Variants in CACNA1A observed in about 807,000 individuals in gnomAD.
CACNA1A encodes voltage-dependent P/Q-type calcium channel subunit alpha-1A.
A neutral mutation model predicts 262.4 loss-of-function variants in CACNA1A; 57 were observed. That is an observed-to-expected ratio of 0.22 (90% CI 0.18 to 0.27). CACNA1A has a LOEUF of 0.27. Ranked by LOEUF, CACNA1A falls within the 10% of genes least tolerant of loss-of-function variation. The probability of loss-of-function intolerance (pLI) is 1.00; values close to 1 mark genes in which losing one functional copy is unlikely to be tolerated. For synonymous variants in CACNA1A, 1,431 were observed against 1,419.3 expected, an observed-to-expected ratio of 1.01 and a Z score of -0.18; for missense variants, 2,526 against 3,562.8, an observed-to-expected ratio of 0.71 and a Z score of 7.41.
chr19:13,439,834 C>A (rs2060684720), intron 3 of CACNA1A, among the ~76,000 whole-genome samples: 1 of 152,170 alleles, frequency 6.6e-6, no homozygotes, highest in Non-Finnish European at 1.5e-5. Flanking sequence ...TCAGCAGGAA[C>A]AATGTAGCCA....
intron 5 of CACNA1A, among the ~76,000 whole-genome samples, chr19:13,360,265 G>GTGTATATATATATATATATATATATA (rs941666561): frequency 7.3e-4 from 91 of 124,156 alleles, no homozygotes; most frequent in East Asian, 1.4e-3. Context: ...GTGTGTGTGT[G>GTGTATATATATATATATATATATATA]TATATATATA....
At chr19:13,342,861 G>C (rs1016558829) in intron 6 of CACNA1A, among the ~76,000 whole-genome samples, 1 of 152,184 alleles carries the variant, frequency 6.6e-6, no homozygotes, top group African/African-American at 2.4e-5. Flanking sequence ...AAGTCATGGA[G>C]GCTTTGGGGA....
intron 6 of CACNA1A, among the ~76,000 whole-genome samples, chr19:13,346,518 A>T (rs911745857): frequency 1.3e-5 from 2 of 150,220 alleles, no homozygotes; most frequent in African/African-American, 4.9e-5. Context: ...TACATTAATG[A>T]TCACTAACTA....
At chr19:13,442,828 G>C (rs1000758333) in intron 3 of CACNA1A, among the ~76,000 whole-genome samples, 4 of 152,180 alleles carry the variant, frequency 2.6e-5, no homozygotes, top group Non-Finnish European at 5.9e-5. Context: ...GGGAGGGGAA[G>C]GAAGGATCAC....
chr19:13,325,845 G>A (rs2058351453), intron 10 of CACNA1A, among the ~76,000 whole-genome samples: 1 of 152,154 alleles, frequency 6.6e-6, no homozygotes, highest in Admixed American at 6.5e-5. Context: ...ACTATGGAGT[G>A]GCTCAGTTGA....
intron 30 of CACNA1A, among the ~76,000 whole-genome samples, chr19:13,251,668 G>T (rs1222555011): frequency 6.6e-6 from 1 of 152,096 alleles, no homozygotes. Flanking sequence ...TAATATTAAG[G>T]GTTGATAATA....
intron 38 of CACNA1A, among the ~76,000 whole-genome samples, chr19:13,220,059 A>C (rs1488714061): frequency 1.3e-5 from 2 of 152,026 alleles, no homozygotes; most frequent in African/African-American, 4.8e-5. Flanking sequence ...GGAGTTCAAA[A>C]CCAGCCTGGC....
chr19:13,211,897 C>A (rs2054826059), intron 43 of CACNA1A: 1 of 559,798 alleles, frequency 1.8e-6, no homozygotes, highest in Non-Finnish European at 3.2e-6. Flanking sequence ...TCCTCTCTGT[C>A]CTCTGTGAGG....
At chr19:13,346,619 TATATATATA>T (rs1568556957) in intron 6 of CACNA1A, among the ~76,000 whole-genome samples, 4 of 3,772 alleles carry the variant, frequency 1.1e-3, no homozygotes, top group African/African-American at 4.7e-3. Flanking sequence ...TAATTGATTA[TATATATATA>T]TATATATATA....
intron 3 of CACNA1A, among the ~76,000 whole-genome samples, chr19:13,435,936 T>C (rs533254351): frequency 1.3e-5 from 2 of 152,284 alleles, no homozygotes; most frequent in African/African-American, 4.8e-5. Flanking sequence ...GTGATTCTCA[T>C]GCCTCAGCCT....
intron 6 of CACNA1A, among the ~76,000 whole-genome samples, chr19:13,356,176 A>G (rs117965572): frequency 0.012 from 1,780 of 152,310 alleles, 17 homozygotes; most frequent in Non-Finnish European, 0.017. Flanking sequence ...GAGCTGTTCT[A>G]ATGAAAAATT....
chr19:13,449,376 C>T (rs192080025), intron 3 of CACNA1A, among the ~76,000 whole-genome samples: 2 of 152,276 alleles, frequency 1.3e-5, no homozygotes, highest in East Asian at 3.9e-4. Flanking sequence ...TAGCTCACTA[C>T]AGCGTCGACC....
intron 3 of CACNA1A, among the ~76,000 whole-genome samples, chr19:13,385,454 T>C: frequency 6.6e-6 from 1 of 151,980 alleles, no homozygotes; most frequent in Non-Finnish European, 1.5e-5. Flanking sequence ...GATCTCAAAC[T>C]CCTGACCTTG....
intron 1 of CACNA1A, among the ~76,000 whole-genome samples, chr19:13,459,119 A>AT (rs1355089329): frequency 6.6e-6 from 1 of 152,080 alleles, no homozygotes; most frequent in Non-Finnish European, 1.5e-5. Context: ...GGGCACTGAA[A>AT]TCCCGCATTC....
At chr19:13,504,699 C>G (rs1039232383) in intron 1 of CACNA1A, among the ~76,000 whole-genome samples, 1 of 152,188 alleles carries the variant, frequency 6.6e-6, no homozygotes, top group African/African-American at 2.4e-5. Flanking sequence ...TGCGGAGAAG[C>G]GGCACATCTG....
chr19:13,298,762 A>G lies in CACNA1A; in HGVS notation c.2871T>C (p.Arg957=). ...CCCCGGGCCTGCGGTGCGCGCGATG[A>G]CGTCGATGCTCCCCGTCCGCGCCCG... ...PRTGADGEHR[R]HRAHRRPGEE... is the part of the protein sequence containing the mutation. The change falls in exon 19 of 47, where the codon CGT becomes CGC. Residue 957 remains arginine (R), a synonymous_variant. Coordinates refer to ENST00000360228, the MANE Select transcript of CACNA1A (RefSeq NM_001127222.2). 1 of 1,515,842 alleles carries G rather than the reference A, an allele frequency of 6.6e-7. No individual in the cohort carries two copies. The highest frequency in any genetic ancestry group is 1.2e-5 in the South Asian group (1 of 81,266). The allele number at this position is 1,515,842 out of a possible 1,614,324, so 93.9% of individuals were successfully genotyped here.
At chr19:13,261,413 G>C in intron 26 of CACNA1A, 37 bp downstream of exon 26, 3 of 1,532,870 alleles carry the variant, frequency 2.0e-6, no homozygotes, top group Non-Finnish European at 2.6e-6. Flanking sequence ...CCCACCTGCT[G>C]GTTCCAATGG....
chr19:13,282,834 C>T lies in CACNA1A; in HGVS notation c.3822+433G>A, dbSNP rs10407342. Reference sequence around the variant, plus strand: ...GGCTTGCTTTCATAAAAACCAAAAGCTTAGGCTGTGTTTCTGAGCCAAATA... The same window carrying T: ...GGCTTGCTTTCATAAAAACCAAAAGTTTAGGCTGTGTTTCTGAGCCAAATA... On this transcript the variant is annotated intron_variant, in intron 22 of 46. Coordinates refer to ENST00000360228, the MANE Select transcript of CACNA1A (RefSeq NM_001127222.2). Among the ~76,000 whole-genome samples the T allele has an allele frequency of 5.8e-3, 881 of 152,284 alleles. 10 individuals are homozygous for T. Among genetic ancestry groups the T allele is most frequent in the African/African-American group, 0.02 (841 of 41,534 alleles).
intron 3 of CACNA1A, among the ~76,000 whole-genome samples, chr19:13,396,399 C>T (rs910683774): frequency 1.3e-5 from 2 of 152,194 alleles, no homozygotes; most frequent in African/African-American, 4.8e-5. Flanking sequence ...GCCTCTTGTG[C>T]TGTTTTCTCT....
Sources: gnomAD v4.1 joint callset for allele counts (sites outside exome capture counted in the v4.1 genomes callset) on GRCh38, gnomAD v4.1.1 for gene constraint, MANE v1.5 for transcripts, NCBI Gene and HGNC (gene_info 2026-07-23, HGNC 2026-07-21) for gene names.